The following RHBG variants were observed in gnomAD, a reference collection of about 807,000 sequenced individuals.
RHBG encodes the protein Rh family B glycoprotein.
Under a neutral mutation model 40.1 loss-of-function variants are expected in RHBG, and 39 were observed. The ratio of observed to expected loss-of-function variants is 0.97; its 90% CI spans 0.75 to 1.27. The LOEUF (loss-of-function observed/expected upper bound fraction) is 1.27, where lower values mean the gene tolerates loss of function less well. Ranked by LOEUF, RHBG falls within the 50% of genes most tolerant of loss-of-function variation. RHBG has a pLI of 0.00. For missense variants in RHBG, 549 were observed against 588.1 expected, an observed-to-expected ratio of 0.93 and a Z score of 0.69; for synonymous variants, 237 against 252.5, an observed-to-expected ratio of 0.94 and a Z score of 0.58.
At position 156,382,775 on chromosome 1, in the gene RHBG, C is replaced by G; in HGVS notation, c.1140C>G (p.Ala380=). 6.2e-7 allele frequency: 1 copy of G among 1,614,166 alleles called. No homozygotes were observed. The change falls in exon 8 of 10, where the codon GCC becomes GCG. Residue 380 remains alanine (A), a synonymous_variant. Coordinates refer to ENST00000537040, the MANE Select transcript of RHBG (RefSeq NM_020407.5). ...TGGAGAGTGTGTTTCCACTCATAGC[C>G]GAGGGCCAGCGCAGTGCCACGTCAC... ...DGLESVFPLI[A]EGQRSATSQA...
At position 156,377,659 on chromosome 1, in the gene RHBG, C is replaced by G. The variant is rs1667309788; in HGVS notation, c.374+172C>G. 6.6e-6 allele frequency among the ~76,000 whole-genome samples: 1 copy of G among 152,218 alleles called. No homozygotes were observed. Among genetic ancestry groups the G allele is most frequent in the South Asian group, 2.1e-4 (1 of 4,832 alleles). On this transcript the variant is annotated intron_variant, in intron 2 of 9. Transcript: ENST00000537040. The surrounding 1 kb of genome is among the most constrained non-coding windows in gnomAD (Gnocchi z 4.6). Reference sequence around the variant, plus strand: ...TTATTGCCTGACTTCCTCTCCCATCCTTGACCCTCACACTCAGCTCCACCT... The same window carrying G: ...TTATTGCCTGACTTCCTCTCCCATCGTTGACCCTCACACTCAGCTCCACCT...
At chr1:156,371,255 G>T (rs577713400) in intron 1 of RHBG, 3 of 351,430 alleles carry the variant, frequency 8.5e-6, no homozygotes, top group African/African-American at 4.6e-5. Context: ...CACCTCCCAG[G>T]TTCAAGCGAT....
intron 7 of RHBG, 80 bp from the exon 8 acceptor site, chr1:156,382,668 G>A: frequency 6.4e-7 from 1 of 1,552,888 alleles, no homozygotes; most frequent in Non-Finnish European, 8.8e-7. Context: ...GTGAGTTCCA[G>A]TGCCATGAGC....
chr1:156,383,135 C>T (rs1379511019), intron 8 of RHBG, among the ~76,000 whole-genome samples: 1 of 152,186 alleles, frequency 6.6e-6, no homozygotes, highest in Non-Finnish European at 1.5e-5. Context: ...GCTGCTCCCT[C>T]TGCCCACTAG....
intron 1 of RHBG, among the ~76,000 whole-genome samples, chr1:156,370,257 G>A (rs1666748132): frequency 6.6e-6 from 1 of 152,138 alleles, no homozygotes; most frequent in African/African-American, 2.4e-5. Context: ...GACCAGCCTA[G>A]CCAACATAGT....
At chr1:156,380,784 C>A (rs1043262686) in intron 4 of RHBG, among the ~76,000 whole-genome samples, 2 of 148,122 alleles carry the variant, frequency 1.4e-5, no homozygotes, top group Non-Finnish European at 3.0e-5. Flanking sequence ...AAAGTAGTTT[C>A]TTTTTGGGCC....
chr1:156,374,266 C>A (rs938373393), intron 1 of RHBG, among the ~76,000 whole-genome samples: 1 of 152,146 alleles, frequency 6.6e-6, no homozygotes, highest in South Asian at 2.1e-4. Context: ...TCCCCCACCC[C>A]CCAACCATTT....
chr1:156,371,684 A>C (rs974026472), intron 1 of RHBG: 1 of 153,866 alleles, frequency 6.5e-6, no homozygotes. Context: ...AAAGAAGGAT[A>C]GAGAGTTGGG....
rs751211784 is a variant in RHBG at position 156,381,912 on chromosome 1, C to A, written c.947C>A (p.Thr316Asn). 5.0e-6 allele frequency: 8 copies of A among 1,610,632 alleles called. No individual in the cohort carries two copies. Among genetic ancestry groups the A allele is most frequent in the Non-Finnish European group, 6.8e-6 (8 of 1,179,326 alleles). The change falls in exon 6 of 10, where the codon ACT (threonine) becomes AAT (asparagine). Residue 316 changes from threonine to asparagine, a missense_variant. Thr to Asn is a moderately conservative substitution (Grantham distance 65). Transcript: ENST00000537040. ...CTGGCAGCTGGCTTCTTGGCTGGGA[C>A]TGTCTCCACGCTGGGGTACAAGTTC... ...GALAAGFLAG[T>N]VSTLGYKFFT...
rs1052213630 is a variant in RHBG, at chr1:156,377,048, A to G, written c.188-253A>G. 1.3e-5 allele frequency among the ~76,000 whole-genome samples: 2 copies of G among 152,228 alleles called. No individual in the cohort carries two copies. Among genetic ancestry groups the G allele is most frequent in the Non-Finnish European group, 2.9e-5 (2 of 68,042 alleles). On this transcript the variant is annotated intron_variant, in intron 1 of 9. Coordinates refer to ENST00000537040, the MANE Select transcript of RHBG (RefSeq NM_020407.5). This position sits in a 1 kb window ranked among gnomAD's most constrained non-coding sequence, Gnocchi z 4.6. ...AGACCCAGGGATGGGGCAAATGAAT[A>G]GAGCAGAAGGCTTTACTCCCTTGCT...
intron 1 of RHBG, among the ~76,000 whole-genome samples, chr1:156,373,612 A>C (rs979839893): frequency 6.6e-6 from 1 of 152,188 alleles, no homozygotes; most frequent in South Asian, 2.1e-4. Context: ...GAATGTTCCC[A>C]GAGAAGGAGA....
At position 156,384,556 on chromosome 1, in the gene RHBG, T is replaced by TC. The variant is rs11303415; in HGVS notation, c.1271dup (p.Asp425ArgfsTer18). On this transcript the variant is annotated frameshift_variant, in exon 9 of 10. Coordinates refer to ENST00000537040, the MANE Select transcript of RHBG (RefSeq NM_020407.5). LOFTEE classifies it high-confidence loss of function. ...CCTGCTGAAGCTACCCTTTCTGGAC[T>TC]CCCCCCCAGACTCCCAGCACTACGA... is the stretch of plus-strand genomic sequence containing the variant. 0.71 allele frequency: 1,126,321 copies of TC among 1,584,428 alleles called. 405,729 individuals are homozygous for TC. Among genetic ancestry groups the TC allele is most frequent in the Non-Finnish European group, 0.74 (863,046 of 1,162,406 alleles).
rs1667316445 is a variant in RHBG at position 156,377,702 on chromosome 1, C to G, written c.374+215C>G. On this transcript the variant is annotated intron_variant, in intron 2 of 9. Transcript: ENST00000537040. This position sits in a 1 kb window ranked among gnomAD's most constrained non-coding sequence, Gnocchi z 4.6. ...CTCCACCTCCTCAGTCTTTAGGGCC[C>G]TTGTTCCCCAAGAGCTGTGGAAGGG... is the stretch of plus-strand genomic sequence containing the variant. Among the ~76,000 whole-genome samples the G allele has an allele frequency of 6.6e-6, 1 of 152,212 alleles. No individual in the cohort carries two copies. Among genetic ancestry groups the G allele is most frequent in the African/African-American group, 2.4e-5 (1 of 41,454 alleles).
rs1205194038 is a variant in RHBG at position 156,385,060 on chromosome 1, G to A, written c.*215G>A. Reference sequence around the variant, plus strand: ...GGGGCCGTAACTGGGTACAATAGGGGGAACCTCACCAGATGCCCAACCCGA... The same window carrying A: ...GGGGCCGTAACTGGGTACAATAGGGAGAACCTCACCAGATGCCCAACCCGA... On this transcript the variant is annotated 3_prime_UTR_variant, in exon 10 of 10. Transcript: ENST00000537040. The A allele has an allele frequency of 1.2e-5, 6 of 511,588 alleles. No individual in the cohort carries two copies. Among genetic ancestry groups the A allele is most frequent in the Non-Finnish European group, 2.1e-5 (6 of 283,764 alleles). The allele number at this position is 511,588 out of a possible 1,614,324, so 31.7% of individuals were successfully genotyped here.
At chr1:156,375,235 G>A (rs1667105737) in intron 1 of RHBG, among the ~76,000 whole-genome samples, 1 of 152,004 alleles carries the variant, frequency 6.6e-6, no homozygotes, top group South Asian at 2.1e-4. Context: ...ACCACACCTG[G>A]CTAATTTTTG....
intron 7 of RHBG, 153 bp from the exon 8 acceptor site, chr1:156,382,595 G>A (rs1363051747): frequency 8.7e-6 from 8 of 920,236 alleles, no homozygotes; most frequent in Admixed American, 8.3e-5. Flanking sequence ...GCAGTGGCCT[G>A]GAGGTGAGAC....
chr1:156,377,550 C>T lies in RHBG; in HGVS notation c.374+63C>T. On this transcript the variant is annotated intron_variant, in intron 2 of 9. Coordinates refer to ENST00000537040, the MANE Select transcript of RHBG (RefSeq NM_020407.5). This position sits in a 1 kb window ranked among gnomAD's most constrained non-coding sequence, Gnocchi z 4.6. ...CTCGGGAGGCCCCTGCCCATGGGCCCCGGATCTAGCCCTGTCCTTCAAGTC... is the reference window on the plus strand; with the variant it reads ...CTCGGGAGGCCCCTGCCCATGGGCCTCGGATCTAGCCCTGTCCTTCAAGTC... 1.3e-6 allele frequency: 2 copies of T among 1,512,308 alleles called. No individual in the cohort carries two copies. The highest frequency in any genetic ancestry group is 9.0e-7 in the Non-Finnish European group (1 of 1,108,954). The allele number at this position is 1,512,308 out of a possible 1,614,324, so 93.7% of individuals were successfully genotyped here.
intron 1 of RHBG, among the ~76,000 whole-genome samples, chr1:156,372,779 G>A (rs919228575): frequency 5.3e-5 from 8 of 152,158 alleles, no homozygotes; most frequent in Non-Finnish European, 1.2e-4. Flanking sequence ...ATCAGAAGGA[G>A]GTGGGGAGAC....
chr1:156,371,230 G>T, intron 1 of RHBG: 1 of 385,700 alleles, frequency 2.6e-6, no homozygotes, highest in Non-Finnish European at 5.0e-6. Flanking sequence ...CGCAATCTCG[G>T]CTCACTGCAA....
Sources: allele counts gnomAD v4.1 joint callset (sites outside exome capture counted in the v4.1 genomes callset), GRCh38; gene constraint gnomAD v4.1.1; non-coding constraint Gnocchi (gnomAD v3.1); transcripts MANE v1.5; gene names NCBI Gene and HGNC (gene_info 2026-07-23, HGNC 2026-07-21).